Variants in C3 observed in about 807,000 individuals in gnomAD.
C3 encodes C3 and PZP-like alpha-2-macroglobulin domain-containing protein 1.
Under a neutral mutation model 207.9 loss-of-function variants are expected in C3, and 97 were observed. The ratio of observed to expected loss-of-function variants is 0.47; its 90% CI spans 0.40 to 0.55. C3 has a LOEUF of 0.55. Ranked by LOEUF, C3 falls within the 20% of genes least tolerant of loss-of-function variation. The pLI is 0.00. For synonymous variants in C3, 848 were observed against 857.6 expected (o/e 0.99, Z 0.20); for missense variants, 1,684 against 2,171.7 (o/e 0.78, Z 4.46).
In C3 at chr19:6,707,312, C is replaced by T. The variant is rs376656424; in HGVS notation, c.2048-39G>A. 5.4e-5 allele frequency: 86 copies of T among 1,602,038 alleles called. No homozygotes were observed. The African/African-American group carries it at 8.7e-4, about 16-fold the overall frequency. ...TGTTCCCCCAGGCCACACCCTCAGC[C>T]GGGGGCCGGCAGCAGGAGGGACGCG... On this transcript the variant is annotated intron_variant, in intron 16 of 40. Transcript: ENST00000245907.
rs563251636 is a variant in C3 at position 6,707,260 on chromosome 19, G to T, written c.2061C>A (p.Pro687=). 7 of 1,610,840 alleles carry T rather than the reference G, an allele frequency of 4.3e-6. No individual in the cohort carries two copies. The Admixed American group carries it at 1.0e-4, about 23-fold the overall frequency. The part of the protein sequence containing the change: ...EKRMDKVGKY[P]KELRKCCEDG... ...CCTCGCAGCACTTGCGCAGCTCCTT[G>T]GGGTACTTGCCGACTGCGGGAGCAC... Residue 687 remains proline, a synonymous_variant, in exon 17 of 41, where the codon CCC becomes CCA. Coordinates refer to ENST00000245907, the MANE Select transcript of C3 (RefSeq NM_000064.4).
Position 6,707,794 on chromosome 19 carries a change from C to A in C3, c.1975+6G>T. ...TCCCTGCACCGGCCCCTGGTGGCGACCTCACCTGCCCTCTGGGCGGTCTGC... is the reference window on the plus strand; with the variant it reads ...TCCCTGCACCGGCCCCTGGTGGCGAACTCACCTGCCCTCTGGGCGGTCTGC... On this transcript the variant is annotated splice_donor_region_variant and intron_variant, in intron 15 of 40. Coordinates refer to ENST00000245907, the MANE Select transcript of C3 (RefSeq NM_000064.4). The A allele has an allele frequency of 6.2e-7, 1 of 1,613,212 alleles. No homozygotes were observed. The highest frequency in any genetic ancestry group is 1.3e-5 in the African/African-American group (1 of 74,986).
chr19:6,714,631 G>A (rs191018327), intron 4 of C3, among the ~76,000 whole-genome samples, 185 bp from the exon 5 acceptor site: 1 of 152,352 alleles, frequency 6.6e-6, no homozygotes, highest in Non-Finnish European at 1.5e-5. Context: ...GGAGGCTGAG[G>A]CGGGCAGATC....
intron 17 of C3, among the ~76,000 whole-genome samples, chr19:6,705,269 G>T (rs572536969): frequency 1.3e-5 from 2 of 151,688 alleles, no homozygotes; most frequent in Non-Finnish European, 2.9e-5. Context: ...TCACACTATC[G>T]CCTCTTTGTG....
At chr19:6,692,643 T>C (rs954642500) in intron 26 of C3, among the ~76,000 whole-genome samples, 3 of 152,168 alleles carry the variant, frequency 2.0e-5, no homozygotes, top group Non-Finnish European at 4.4e-5. Flanking sequence ...GAGAAAGGGA[T>C]TCCCAGGCAG....
At chr19:6,690,396 C>T (rs1177868245) in intron 27 of C3, among the ~76,000 whole-genome samples, 1 of 152,198 alleles carries the variant, frequency 6.6e-6, no homozygotes, top group African/African-American at 2.4e-5. Context: ...AGTGACTTAC[C>T]TTTCAGGCTG....
intron 19 of C3, among the ~76,000 whole-genome samples, chr19:6,701,268 T>A (rs913308375): frequency 1.3e-5 from 2 of 152,170 alleles, no homozygotes; most frequent in African/African-American, 4.8e-5. Flanking sequence ...TTGCTCATTA[T>A]CATAGTAAAA....
chr19:6,678,568 G>C lies in C3; in HGVS notation c.4631-113C>G, dbSNP rs1917781582. ...TCTCTCTCCCAAGCAGAAAGTTGCAGAATCACAGCCAGTCACACTATGGCC... is the reference window on the plus strand; with the variant it reads ...TCTCTCTCCCAAGCAGAAAGTTGCACAATCACAGCCAGTCACACTATGGCC... On this transcript the variant is annotated intron_variant, in intron 38 of 40. Transcript: ENST00000245907. 3.9e-5 allele frequency: 32 copies of C among 819,316 alleles called. No homozygotes were observed. The South Asian group carries it at 4.7e-4, about 12-fold the overall frequency. 50.8% of individuals were successfully genotyped at this position (819,316 alleles called of 1,614,324 possible).
At chr19:6,687,756 C>A (rs145262670) in intron 27 of C3, among the ~76,000 whole-genome samples, 2 of 152,062 alleles carry the variant, frequency 1.3e-5, no homozygotes, top group Non-Finnish European at 2.9e-5. Context: ...GTTTAGGAAG[C>A]GATGAGTTTG....
Position 6,684,440 on chromosome 19 carries a change from C to T in C3, c.4121-1G>A. ...TTCTTGGCATCCTGAGGCCTCTTTT[C>T]TAGAAACACAGAAGAGAGAAAGATG... On this transcript the variant is annotated splice_acceptor_variant, in intron 32 of 40. Transcript: ENST00000245907. LOFTEE classifies it high-confidence loss of function. 6.2e-7 allele frequency: 1 copy of T among 1,613,410 alleles called. No individual in the cohort carries two copies. Among genetic ancestry groups the T allele is most frequent in the Non-Finnish European group, 8.5e-7 (1 of 1,179,354 alleles).
intron 4 of C3, 70 bp from the exon 5 acceptor site, chr19:6,714,516 C>A (rs1967991192): frequency 9.6e-7 from 1 of 1,042,352 alleles, no homozygotes; most frequent in Non-Finnish European, 1.5e-6. Flanking sequence ...CCTCTCAGCT[C>A]TCCCCGACCT....
intron 11 of C3, 24 bp downstream of exon 11, chr19:6,712,233 T>G: frequency 6.2e-7 from 1 of 1,612,816 alleles, no homozygotes; most frequent in Non-Finnish European, 8.5e-7. Context: ...AGTGATGGGG[T>G]TCCGAGGCTG....
At chr19:6,714,290 C>G in intron 5 of C3, 42 bp from the exon 6 acceptor site, 4 of 1,607,872 alleles carry the variant, frequency 2.5e-6, no homozygotes, top group Non-Finnish European at 3.4e-6. Context: ...GCCTCGGAGC[C>G]CCCCTGCTCC....
intron 17 of C3, among the ~76,000 whole-genome samples, chr19:6,706,099 CTCA>C (rs1679565690): frequency 6.6e-6 from 1 of 152,238 alleles, no homozygotes. Flanking sequence ...TGCCTGTTCA[CTCA>C]TCGAGTTTGG....
At chr19:6,700,263 G>A (rs1009868175) in intron 19 of C3, among the ~76,000 whole-genome samples, 4 of 121,018 alleles carry the variant, frequency 3.3e-5, no homozygotes, top group Non-Finnish European at 4.8e-5. Flanking sequence ...TATTATATAT[G>A]TAATATGCAA....
At chr19:6,689,320 T>TCC (rs1918094953) in intron 27 of C3, among the ~76,000 whole-genome samples, 1 of 72,344 alleles carries the variant, frequency 1.4e-5, no homozygotes, top group African/African-American at 6.4e-5. Context: ...TCTCTCTCTC[T>TCC]CTACCTACCT....
At chr19:6,717,790 TTGTGTTGTG>T (rs1968070673) in intron 4 of C3, 2 of 532,436 alleles carry the variant, frequency 3.8e-6, no homozygotes, top group Admixed American at 3.1e-5. Context: ...GTGTTGTGTG[TTGTGTTGTG>T]TGTGTTGTGT....
At chr19:6,696,537 C>A (rs1343587923) in intron 22 of C3, 56 bp downstream of exon 22, 2 of 1,600,814 alleles carry the variant, frequency 1.2e-6, no homozygotes, top group Non-Finnish European at 1.7e-6. Flanking sequence ...AAACCCAGGT[C>A]ATTTACCCCC....
chr19:6,709,970 AGAGAGAGGGAGAGAGAGAGAAAGG>A (rs1967868843), intron 13 of C3, 128 bp from the exon 14 acceptor site: 2 of 459,702 alleles, frequency 4.4e-6, no homozygotes, highest in Non-Finnish European at 7.7e-6. Flanking sequence ...GGGGAGGGGG[AGAGAGAGGGAGAGAGAGAGAAAGG>A]GAGAGAGGGA....
Sources: gnomAD v4.1 joint callset for allele counts (sites outside exome capture counted in the v4.1 genomes callset) on GRCh38, gnomAD v4.1.1 for gene constraint, MANE v1.5 for transcripts, NCBI Gene and HGNC (gene_info 2026-07-23, HGNC 2026-07-21) for gene names.